DIAPH2: variants seen among roughly 807,000 people sequenced by gnomAD.
DIAPH2 encodes protein diaphanous homolog 2.
In DIAPH2, 35 loss-of-function variants were observed where a neutral mutation model predicts 92.7. The ratio of observed to expected loss-of-function variants is 0.38; its 90% CI spans 0.29 to 0.50. The LOEUF is 0.50. DIAPH2 is among the 20% of genes least tolerant of loss of function. The pLI is 0.94. For synonymous variants in DIAPH2, 301 were observed against 280.4 expected, an observed-to-expected ratio of 1.07 and a Z score of -0.73; for missense variants, 701 against 819.5, an observed-to-expected ratio of 0.86 and a Z score of 1.77.
chrX:96,874,511 G>A (rs2065165523), intron 4 of DIAPH2, among the ~76,000 whole-genome samples: 1 of 111,877 alleles, frequency 8.9e-6, no homozygotes, highest in African/African-American at 3.2e-5. Flanking sequence ...ACACATTATT[G>A]ATATGAAAAA....
chrX:96,974,926 A>G (rs889028775), intron 17 of DIAPH2, among the ~76,000 whole-genome samples: 2 of 111,881 alleles, frequency 1.8e-5, no homozygotes, highest in Non-Finnish European at 3.8e-5. Context: ...GGCTTCAGGA[A>G]GAACAAAGAT....
intron 22 of DIAPH2, among the ~76,000 whole-genome samples, chrX:97,229,050 G>A (rs770587782): frequency 1.6e-4 from 18 of 111,612 alleles, no homozygotes; most frequent in African/African-American, 5.9e-4. Context: ...GCTGGTATGT[G>A]GGGTTTATAA....
At chrX:97,080,437 A>G (rs965979934) in intron 19 of DIAPH2, among the ~76,000 whole-genome samples, 1 of 109,897 alleles carries the variant, frequency 9.1e-6, no homozygotes, top group African/African-American at 3.3e-5. Flanking sequence ...CATACATGGG[A>G]CTATGCCAGC....
chrX:96,868,751 C>A (rs1320220852), intron 4 of DIAPH2, among the ~76,000 whole-genome samples: 1 of 111,408 alleles, frequency 9.0e-6, no homozygotes, highest in Non-Finnish European at 1.9e-5. Context: ...GTGCCTGGAA[C>A]CTCATGGGAA....
intron 2 of DIAPH2, among the ~76,000 whole-genome samples, chrX:96,737,175 A>T (rs1337745015): frequency 8.9e-6 from 1 of 111,825 alleles, no homozygotes; most frequent in Non-Finnish European, 1.9e-5. Context: ...GGATTGGTTT[A>T]GATTATTTTT....
At chrX:97,462,922 T>A (rs1159458873) in intron 26 of DIAPH2, among the ~76,000 whole-genome samples, 3 of 111,895 alleles carry the variant, frequency 2.7e-5, no homozygotes, top group Admixed American at 9.5e-5. Context: ...TTGCTTTTAA[T>A]TTTGTACAAA....
intron 4 of DIAPH2, among the ~76,000 whole-genome samples, chrX:96,873,647 TACACAC>T (rs3082738): frequency 0.075 from 7,176 of 95,795 alleles, 227 homozygotes; most frequent in Middle Eastern, 0.15. Context: ...CGTATATATA[TACACAC>T]ACACACACAC....
intron 22 of DIAPH2, among the ~76,000 whole-genome samples, chrX:97,185,485 A>ATGTG (rs1438066531): frequency 1.2e-3 from 15 of 12,044 alleles, no homozygotes; most frequent in African/African-American, 2.6e-3. Flanking sequence ...ATATATATAT[A>ATGTG]TATATATATA....
chrX:97,028,008 G>A (rs897345622), intron 17 of DIAPH2, among the ~76,000 whole-genome samples: 5 of 112,043 alleles, frequency 4.5e-5, no homozygotes, highest in African/African-American at 6.5e-5. Flanking sequence ...AAATGCTGTG[G>A]CAATGTCATA....
At chrX:96,739,808 G>A (rs1006601563) in intron 3 of DIAPH2, among the ~76,000 whole-genome samples, 2 of 111,355 alleles carry the variant, frequency 1.8e-5, no homozygotes, top group Non-Finnish European at 3.8e-5. Context: ...CTTCTGTGGT[G>A]CACCCTTTTT....
At chrX:96,747,052 G>C (rs1293579838) in intron 3 of DIAPH2, among the ~76,000 whole-genome samples, 1 of 111,797 alleles carries the variant, frequency 8.9e-6, no homozygotes, top group Non-Finnish European at 1.9e-5. Context: ...GAGAATAACT[G>C]ATCTGGTTTT....
At chrX:97,546,943 A>G (rs1009154401) in intron 26 of DIAPH2, among the ~76,000 whole-genome samples, 1 of 111,802 alleles carries the variant, frequency 8.9e-6, no homozygotes, top group Non-Finnish European at 1.9e-5. Flanking sequence ...ACTCACTTGC[A>G]CTTATTTTCA....
intron 25 of DIAPH2, among the ~76,000 whole-genome samples, chrX:97,411,582 G>T (rs2069873919): frequency 8.9e-6 from 1 of 111,830 alleles, no homozygotes; most frequent in South Asian, 3.8e-4. Flanking sequence ...TAGGCTAAAT[G>T]CCCCAATTAA....
chrX:96,870,267 TA>T (rs1168989714), intron 4 of DIAPH2, among the ~76,000 whole-genome samples: 2 of 110,236 alleles, frequency 1.8e-5, no homozygotes, highest in African/African-American at 6.6e-5. Flanking sequence ...TTTATTTATT[TA>T]TTTTTTTTCT....
chrX:97,447,062 G>A (rs1316554010), intron 26 of DIAPH2, among the ~76,000 whole-genome samples: 2 of 111,102 alleles, frequency 1.8e-5, no homozygotes, highest in African/African-American at 6.5e-5. Flanking sequence ...TAGCCTTGGG[G>A]TGTAAGATTA....
chrX:96,861,693 C>T (rs1855293855), intron 4 of DIAPH2, among the ~76,000 whole-genome samples: 1 of 112,148 alleles, frequency 8.9e-6, no homozygotes, highest in South Asian at 3.7e-4. Context: ...ATGGGGCTTT[C>T]AAGGTCTTCA....
At chrX:97,225,114 A>G (rs1325181481) in intron 22 of DIAPH2, among the ~76,000 whole-genome samples, 2 of 110,843 alleles carry the variant, frequency 1.8e-5, no homozygotes, top group Non-Finnish European at 3.8e-5. Flanking sequence ...GAACCAAGAA[A>G]TGGTGCTTAA....
intron 24 of DIAPH2, among the ~76,000 whole-genome samples, chrX:97,383,118 C>T (rs2069566625): frequency 8.9e-6 from 1 of 112,399 alleles, no homozygotes; most frequent in East Asian, 2.8e-4. Context: ...CTGGAATGTA[C>T]TCATTCACTT....
chrX:97,533,709 C>A (rs931616243), intron 26 of DIAPH2, among the ~76,000 whole-genome samples: 2 of 111,411 alleles, frequency 1.8e-5, no homozygotes, highest in African/African-American at 3.3e-5. Flanking sequence ...CACTTTACGA[C>A]CATGTAAATA....
Sources: allele counts gnomAD v4.1 joint callset (sites outside exome capture counted in the v4.1 genomes callset), GRCh38; gene constraint gnomAD v4.1.1; transcripts MANE v1.5; gene names NCBI Gene and HGNC (gene_info 2026-07-23, HGNC 2026-07-21).